Variants in PDE1C observed in about 807,000 individuals in gnomAD.
The protein encoded by PDE1C is phosphodiesterase 1C.
A neutral mutation model predicts 93.1 loss-of-function variants in PDE1C; 62 were observed. The ratio of observed to expected loss-of-function variants is 0.67; its 90% CI spans 0.54 to 0.82. The LOEUF (loss-of-function observed/expected upper bound fraction) is 0.82, where lower values mean the gene tolerates loss of function less well. Ranked by LOEUF, PDE1C falls within the 40% of genes least tolerant of loss-of-function variation. The pLI is 0.00. For synonymous variants in PDE1C, 325 were observed against 310.1 expected, an observed-to-expected ratio of 1.05 and a Z score of -0.50; for missense variants, 742 against 884.6, an observed-to-expected ratio of 0.84 and a Z score of 2.04.
At chr7:31,936,546 C>G (rs1805109821) in intron 2 of PDE1C, among the ~76,000 whole-genome samples, 2 of 152,238 alleles carry the variant, frequency 1.3e-5, no homozygotes, top group South Asian at 2.1e-4. Context: ...TAGCATCCCC[C>G]ACTAAGGACA....
the PDE1C span, among the ~76,000 whole-genome samples, chr7:31,726,808 G>A: frequency 6.6e-6 from 1 of 152,170 alleles, no homozygotes; most frequent in Admixed American, 6.5e-5. Context: ...TGAGGCAGGT[G>A]GATCACCTGA....
intron 16 of PDE1C, among the ~76,000 whole-genome samples, chr7:31,803,658 T>C (rs191910133): frequency 9.2e-4 from 140 of 152,160 alleles, no homozygotes; most frequent in African/African-American, 3.2e-3. Context: ...TTTCATTTTT[T>C]GTCCTTGCGA....
At chr7:31,885,143 G>A (rs1035867709) in intron 2 of PDE1C, among the ~76,000 whole-genome samples, 9 of 152,046 alleles carry the variant, frequency 5.9e-5, no homozygotes, top group African/African-American at 2.2e-4. Context: ...GGAATTTTTG[G>A]TCTGGACACC....
chr7:32,421,836 T>C (rs1017132717), intron 1 of PDE1C, among the ~76,000 whole-genome samples: 2 of 152,192 alleles, frequency 1.3e-5, no homozygotes, highest in Non-Finnish European at 1.5e-5. Context: ...TGTAAAGTGC[T>C]GTACAGAAGC....
the PDE1C span, among the ~76,000 whole-genome samples, chr7:31,620,263 C>A: frequency 1.2e-4 from 19 of 152,072 alleles, no homozygotes; most frequent in African/African-American, 4.1e-4. Flanking sequence ...CAGTGGTTCT[C>A]CCAGCATGCA....
chr7:31,709,296 T>C, the PDE1C span, among the ~76,000 whole-genome samples: 7 of 152,324 alleles, frequency 4.6e-5, no homozygotes, highest in Admixed American at 1.3e-4. Flanking sequence ...AGCAAGCCCC[T>C]GGAACTCTCT....
chr7:32,187,710 C>T (rs1803974849), intron 2 of PDE1C, among the ~76,000 whole-genome samples: 1 of 147,594 alleles, frequency 6.8e-6, no homozygotes, highest in South Asian at 2.1e-4. Flanking sequence ...CTAGCAGCTA[C>T]ATTCATTGAA....
rs574836567 is a variant in PDE1C, at chr7:31,820,808, C to T, written c.1582+2265G>A. 3.3e-5 allele frequency: 5 copies of T among 152,196 alleles called. No individual in the cohort carries two copies. The East Asian group carries it at 7.7e-4, about 24-fold the overall frequency. 9.4% of individuals were successfully genotyped at this position (152,196 alleles called of 1,614,324 possible). On this transcript the variant is annotated intron_variant, in intron 14 of 17. Transcript: ENST00000396191. Reference sequence around the variant, plus strand: ...GCTATTTTCACCACCACCTTAACTTCGTATTCAAACCTTTAACCTTCTTTT... The same window carrying T: ...GCTATTTTCACCACCACCTTAACTTTGTATTCAAACCTTTAACCTTCTTTT...
chr7:31,652,538 A>C, the PDE1C span: 1 of 1,603,368 alleles, frequency 6.2e-7, no homozygotes, highest in Non-Finnish European at 8.5e-7. Flanking sequence ...TTCTCACAGC[A>C]GAGCCACCTG....
At chr7:32,357,223 A>G (rs1784047816) in intron 1 of PDE1C, among the ~76,000 whole-genome samples, 1 of 152,026 alleles carries the variant, frequency 6.6e-6, no homozygotes. Context: ...AGTCCCAGCT[A>G]CTTGGGAGGC....
chr7:32,353,912 G>C (rs1562831), intron 1 of PDE1C, among the ~76,000 whole-genome samples: 13,524 of 152,208 alleles, frequency 0.089, 705 homozygotes, highest in East Asian at 0.13. Context: ...TCAGGTCCAT[G>C]GTTAGATAAC....
intron 1 of PDE1C, among the ~76,000 whole-genome samples, chr7:32,398,316 A>AAAG (rs1200917267): frequency 6.7e-6 from 1 of 148,420 alleles, no homozygotes; most frequent in Non-Finnish European, 1.5e-5. Context: ...AAAAAAAAAA[A>AAAG]GAAAAAGAAA....
intron 2 of PDE1C, among the ~76,000 whole-genome samples, chr7:32,173,741 C>G (rs1447341850): frequency 1.3e-5 from 2 of 152,102 alleles, no homozygotes; most frequent in Non-Finnish European, 2.9e-5. Context: ...CTCCCTGAGA[C>G]CTTGGCCAGC....
At chr7:31,698,529 G>T in the PDE1C span, among the ~76,000 whole-genome samples, 2 of 152,192 alleles carry the variant, frequency 1.3e-5, no homozygotes, top group East Asian at 1.9e-4. Flanking sequence ...CTGACTACAT[G>T]CAAGCTTCTG....
At chr7:31,720,171 A>G in the PDE1C span, among the ~76,000 whole-genome samples, 1 of 64,344 alleles carries the variant, frequency 1.6e-5, no homozygotes, top group East Asian at 4.1e-4. Flanking sequence ...CTCCGTCTCA[A>G]AAAAAAAAAA....
chr7:32,177,006 C>T (rs1803041936), intron 2 of PDE1C, among the ~76,000 whole-genome samples: 1 of 152,046 alleles, frequency 6.6e-6, no homozygotes, highest in Non-Finnish European at 1.5e-5. Flanking sequence ...AAATGATAGA[C>T]TATTTTTCAA....
intron 1 of PDE1C, among the ~76,000 whole-genome samples, chr7:32,298,252 C>T (rs1030152263): frequency 1.3e-5 from 2 of 152,044 alleles, no homozygotes; most frequent in African/African-American, 4.8e-5. Flanking sequence ...GTGTCTCTAT[C>T]ATGTCCACAT....
At chr7:31,674,526 G>A in the PDE1C span, among the ~76,000 whole-genome samples, 1 of 152,012 alleles carries the variant, frequency 6.6e-6, no homozygotes, top group Non-Finnish European at 1.5e-5. Context: ...TATCAATAAA[G>A]ATATAAAGAT....
intron 17 of PDE1C, among the ~76,000 whole-genome samples, chr7:31,760,850 A>G (rs921827143): frequency 2.6e-5 from 4 of 152,022 alleles, no homozygotes; most frequent in Admixed American, 6.6e-5. Flanking sequence ...TGCCACTTAA[A>G]TGTTATTTTA....
Sources: allele counts gnomAD v4.1 joint callset (sites outside exome capture counted in the v4.1 genomes callset), GRCh38; gene constraint gnomAD v4.1.1; transcripts MANE v1.5; gene names NCBI Gene and HGNC (gene_info 2026-07-23, HGNC 2026-07-21).